CDKN2AIPNL: variants seen among roughly 807,000 people sequenced by gnomAD.
CDKN2AIPNL encodes the protein CDKN2AIP N-terminal-like protein.
In CDKN2AIPNL, 9 loss-of-function variants were observed where a neutral mutation model predicts 12.9. The ratio of observed to expected loss-of-function variants is 0.70; its 90% CI spans 0.42 to 1.22. The LOEUF (loss-of-function observed/expected upper bound fraction) is 1.22, where lower values mean the gene tolerates loss of function less well. CDKN2AIPNL is among the 50% of genes most tolerant of loss of function. The pLI, the probability that CDKN2AIPNL is intolerant of heterozygous loss-of-function variation, is 0.00. For synonymous variants in CDKN2AIPNL, 53 were observed against 61.7 expected, an observed-to-expected ratio of 0.86 and a Z score of 0.66; for missense variants, 143 against 153.6, an observed-to-expected ratio of 0.93 and a Z score of 0.37.
intron 2 of CDKN2AIPNL, among the ~76,000 whole-genome samples, chr5:134,407,168 A>C (rs951017487): frequency 1.3e-5 from 2 of 151,992 alleles, no homozygotes; most frequent in African/African-American, 4.8e-5. Flanking sequence ...GTGCAATGAC[A>C]GTGTCAAGAA....
rs754886075 is a variant in CDKN2AIPNL at position 134,410,026 on chromosome 5, T to C, written c.240-24A>G. The C allele has an allele frequency of 4.0e-6, 6 of 1,514,044 alleles. No individual in the cohort carries two copies. In the Admixed American group the frequency reaches 1.1e-4, roughly 27 times the overall value. 93.8% of individuals were successfully genotyped at this position (1,514,044 alleles called of 1,614,324 possible). On this transcript the variant is annotated intron_variant, in intron 1 of 2. Coordinates refer to ENST00000458198, the MANE Select transcript of CDKN2AIPNL (RefSeq NM_080656.3). ...AACTGCACAATAAAAAGTAGTAAGGTAAAAACCTTGGAACAATTGTCACTG... is the reference window on the plus strand; with the variant it reads ...AACTGCACAATAAAAAGTAGTAAGGCAAAAACCTTGGAACAATTGTCACTG...
intron 1 of CDKN2AIPNL, among the ~76,000 whole-genome samples, chr5:134,411,331 TAAC>T (rs767512106): frequency 2.2e-4 from 34 of 152,166 alleles, no homozygotes; most frequent in Non-Finnish European, 4.1e-4. Flanking sequence ...GTAATACAAA[TAAC>T]AATAGCAACC....
intron 1 of CDKN2AIPNL, chr5:134,410,773 C>T: frequency 1.9e-6 from 1 of 532,812 alleles, no homozygotes; most frequent in East Asian, 3.1e-5. Context: ...CTTAGGCCTG[C>T]AGGGGCCAAA....
chr5:134,403,559 A>G (rs915624321), intron 2 of CDKN2AIPNL, among the ~76,000 whole-genome samples: 4 of 152,238 alleles, frequency 2.6e-5, no homozygotes, highest in Non-Finnish European at 5.9e-5. Context: ...AAGTGAATCA[A>G]TCTGAGAGTC....
rs369996429 is a variant in CDKN2AIPNL at position 134,411,642 on chromosome 5, C to T, written c.213G>A (p.Trp71Ter). 1.2e-6 allele frequency: 2 copies of T among 1,612,990 alleles called. No individual in the cohort carries two copies. The highest frequency in any genetic ancestry group is 1.7e-6 in the Non-Finnish European group (2 of 1,179,770). The change falls in exon 1 of 3, where the codon TGG (tryptophan) becomes TGA (stop). Residue 71 changes from tryptophan (W) to a stop codon, truncating the protein, a stop_gained. Transcript: ENST00000458198. LOFTEE classifies it high-confidence loss of function. ...TGCAGCCTAGGAAGAGATGGTTGGC[C>T]CAGACCATGGAGAGGGAGAGCAGCT... ...LDQLLSLSMV[W>*]ANHLFLGCSY...
rs1425882222 is a variant in CDKN2AIPNL at position 134,402,717 on chromosome 5, A to C, written c.*198T>G. The C allele has an allele frequency of 8.8e-6, 4 of 455,506 alleles. No homozygotes were observed. The highest frequency in any genetic ancestry group is 1.6e-5 in the Non-Finnish European group (4 of 257,296). 28.2% of individuals were successfully genotyped at this position (455,506 alleles called of 1,614,324 possible). On this transcript the variant is annotated 3_prime_UTR_variant, in exon 3 of 3. Transcript: ENST00000458198. ...TTTATAAATACATAAATATCCATGCATACTTTTACAGTGATAACTCCTGGG... is the reference window on the plus strand; with the variant it reads ...TTTATAAATACATAAATATCCATGCCTACTTTTACAGTGATAACTCCTGGG...
At chr5:134,404,946 C>T (rs1019672375) in intron 2 of CDKN2AIPNL, among the ~76,000 whole-genome samples, 1 of 151,892 alleles carries the variant, frequency 6.6e-6, no homozygotes, top group Non-Finnish European at 1.5e-5. Context: ...CTACCACGCC[C>T]GGCTAATTTT....
chr5:134,408,513 C>CAAAAAAAA (rs59056879), intron 2 of CDKN2AIPNL, among the ~76,000 whole-genome samples: 174 of 112,528 alleles, frequency 1.5e-3, no homozygotes, highest in East Asian at 2.8e-3. Context: ...ACTAAAAATA[C>CAAAAAAAA]AAAAAAAAAA....
In CDKN2AIPNL at chr5:134,411,733, A is replaced by T. The variant is rs779622285; in HGVS notation, c.122T>A (p.Met41Lys). The T allele has an allele frequency of 6.2e-7, 1 of 1,613,200 alleles. No individual in the cohort carries two copies. Among genetic ancestry groups the T allele is most frequent in the Non-Finnish European group, 8.5e-7 (1 of 1,179,856 alleles). The stretch of plus-strand genomic sequence containing the variant: ...GGGCAGGTGGCGCAGGATGAATTCC[A>T]TGCGGGCCTTCCATTGCTTCTCGCT... Reference protein sequence around the residue: ...SESEKQWKARMEFILRHLPDY... With the variant: ...SESEKQWKARKEFILRHLPDY... The change falls in exon 1 of 3, where the codon ATG (methionine) becomes AAG (lysine). Residue 41 changes from methionine to lysine, a missense_variant. This residue lies in a region of CDKN2AIPNL where 111 missense variants were observed against 111.4 expected (regional missense o/e 1.00). Coordinates refer to ENST00000458198, the MANE Select transcript of CDKN2AIPNL (RefSeq NM_080656.3).
At position 134,402,559 on chromosome 5, in the gene CDKN2AIPNL, C is replaced by T; in HGVS notation, c.*356G>A. On this transcript the variant is annotated 3_prime_UTR_variant, in exon 3 of 3. Transcript: ENST00000458198. ...ATATGAGCCCAGGAGTTCGAGGCTG[C>T]AATGAGCCAATACTGCACCTTTGTG... The T allele has an allele frequency of 4.9e-6, 1 of 205,736 alleles. No homozygotes were observed. Among genetic ancestry groups the T allele is most frequent in the Non-Finnish European group, 9.6e-6 (1 of 103,962 alleles). The allele number at this position is 205,736 out of a possible 1,614,324, so 12.7% of individuals were successfully genotyped here. A position where few individuals can be genotyped will look rare whatever the true frequency, so the allele number is the denominator to read the frequency against.
chr5:134,406,391 A>G (rs1309621620), intron 2 of CDKN2AIPNL, among the ~76,000 whole-genome samples: 1 of 152,186 alleles, frequency 6.6e-6, no homozygotes, highest in Non-Finnish European at 1.5e-5. Context: ...GGACATCAGG[A>G]GTATTTTGTC....
At chr5:134,408,085 C>T (rs1759132259) in intron 2 of CDKN2AIPNL, among the ~76,000 whole-genome samples, 1 of 150,670 alleles carries the variant, frequency 6.6e-6, no homozygotes, top group Non-Finnish European at 1.5e-5. Context: ...GAGCTGAGAT[C>T]GTGCCACTGC....
At position 134,411,671 on chromosome 5, in the gene CDKN2AIPNL, C is replaced by T; in HGVS notation, c.184G>A (p.Asp62Asn). 2 of 1,613,008 alleles carry T rather than the reference C, an allele frequency of 1.2e-6. No individual in the cohort carries two copies. The highest frequency in any genetic ancestry group is 1.7e-6 in the Non-Finnish European group (2 of 1,179,802). The change falls in exon 1 of 3, where the codon GAC becomes AAC. Residue 62 changes from aspartate (D) to asparagine (N), a missense_variant. Physicochemically the swap from Asp to Asn is conservative, Grantham distance 23. Transcript: ENST00000458198. ...ACCATGGAGAGGGAGAGCAGCTGGT[C>T]CAGGCGGCCACTGCCGTCGGGCGGG... ...RDPPDGSGRL[D>N]QLLSLSMVWA...
At chr5:134,404,072 G>A (rs921943020) in intron 2 of CDKN2AIPNL, among the ~76,000 whole-genome samples, 7 of 152,200 alleles carry the variant, frequency 4.6e-5, no homozygotes, top group Non-Finnish European at 8.8e-5. Context: ...TCTCTCAAAT[G>A]ACAGGACAGA....
intron 2 of CDKN2AIPNL, among the ~76,000 whole-genome samples, chr5:134,407,296 C>CACACTT (rs1223265783): frequency 7.1e-6 from 1 of 140,754 alleles, no homozygotes; most frequent in African/African-American, 2.6e-5. Context: ...CACACACACA[C>CACACTT]ACTTCACACT....
chr5:134,409,560 A>C (rs2149697713), intron 2 of CDKN2AIPNL, among the ~76,000 whole-genome samples: 1 of 152,224 alleles, frequency 6.6e-6, no homozygotes, highest in South Asian at 2.1e-4. Flanking sequence ...ACCTGGGGTA[A>C]GGATGAGTCT....
At chr5:134,411,091 T>G (rs1266927102) in intron 1 of CDKN2AIPNL, 1 of 702,180 alleles carries the variant, frequency 1.4e-6, no homozygotes, top group East Asian at 2.7e-5. Flanking sequence ...GGCTGTGGAG[T>G]GAGGAGAAAA....
At chr5:134,406,477 A>G (rs1366531626) in intron 2 of CDKN2AIPNL, among the ~76,000 whole-genome samples, 1 of 152,238 alleles carries the variant, frequency 6.6e-6, no homozygotes, top group Non-Finnish European at 1.5e-5. Context: ...AAAGGATGAA[A>G]CTGCTGCAAA....
rs184485 is a variant in CDKN2AIPNL, at chr5:134,402,457, G to T, written c.*458C>A. ...CGTTTAAAAACTGAAAATATATCGCGCCACTGCACTACTGCCTGGGCAACA... is the reference window on the plus strand; with the variant it reads ...CGTTTAAAAACTGAAAATATATCGCTCCACTGCACTACTGCCTGGGCAACA... On this transcript the variant is annotated 3_prime_UTR_variant, in exon 3 of 3. Coordinates refer to ENST00000458198, the MANE Select transcript of CDKN2AIPNL (RefSeq NM_080656.3). 1 of 152,854 alleles carries T rather than the reference G, an allele frequency of 6.5e-6. No individual in the cohort carries two copies. Among genetic ancestry groups the T allele is most frequent in the Admixed American group, 6.6e-5 (1 of 15,248 alleles). 9.5% of individuals were successfully genotyped at this position (152,854 alleles called of 1,614,324 possible).
Sources: gnomAD v4.1 joint callset for allele counts (sites outside exome capture counted in the v4.1 genomes callset) on GRCh38, gnomAD v4.1.1 for gene constraint, gnomAD v4.1.1 regional missense constraint, MANE v1.5 for transcripts, NCBI Gene and HGNC (gene_info 2026-07-23, HGNC 2026-07-21) for gene names.